SRGAP2: variants seen among roughly 807,000 people sequenced by gnomAD.
SRGAP2 encodes the protein SLIT-ROBO Rho GTPase-activating protein 2.
SRGAP2 carries 15 observed loss-of-function variants against 57.2 expected under a neutral mutation model. That is an observed-to-expected ratio of 0.26 (90% CI 0.18 to 0.40). The LOEUF (loss-of-function observed/expected upper bound fraction) is 0.40, where lower values mean the gene tolerates loss of function less well. SRGAP2 is among the 10% of genes least tolerant of loss of function. The pLI is 1.00. For synonymous variants in SRGAP2, 249 were observed against 248.0 expected (o/e 1.00, Z -0.04); for missense variants, 520 against 669.6 (o/e 0.78, Z 2.47).
chr1:206,421,254 A>C lies in SRGAP2; in HGVS notation c.1474A>C (p.Ser492Arg), dbSNP rs782683623. 1.3e-6 allele frequency: 1 copy of C among 778,782 alleles called. No homozygotes were observed. Among genetic ancestry groups the C allele is most frequent in the Non-Finnish European group, 2.4e-6 (1 of 417,090 alleles). 48.2% of individuals were successfully genotyped at this position (778,782 alleles called of 1,614,324 possible). ...QRTDCSLARR[S>R]STVRKQDSSQ... ...ATTCGGCGGGATTGGTCACAGGCGC[A>C]GCTCAACTGTGAGGAAACAGGTAAG... The change falls in exon 13 of 23, where the codon AGC becomes CGC. Residue 492 changes from serine to arginine, a missense_variant. Ser to Arg is a moderately radical substitution (Grantham distance 110). This residue lies in a region of SRGAP2 where 478 missense variants were observed against 373.6 expected (regional missense o/e 1.28). Coordinates refer to ENST00000573034, the MANE Select transcript of SRGAP2 (RefSeq NM_015326.5).
rs548237539 is a variant in SRGAP2, at chr1:206,365,735, C to T, written c.424-18279C>T. Among the ~76,000 whole-genome samples, 630 of 140,084 alleles carry T rather than the reference C, an allele frequency of 4.5e-3. 8 individuals carry two copies. Among genetic ancestry groups the T allele is most frequent in the African/African-American group, 0.017 (603 of 34,748 alleles). 91.9% of individuals were successfully genotyped at this position (140,084 alleles called of 152,430 possible). ...AACATTAGACCAGGAATCAGGTAAC[C>T]TGGTTGGGGACCCAGGGCTCTAGAT... On this transcript the variant is annotated intron_variant, in intron 4 of 22. Transcript: ENST00000573034.
At chr1:206,277,723 A>G (rs1302668436) in intron 2 of SRGAP2, among the ~76,000 whole-genome samples, 1 of 152,220 alleles carries the variant, frequency 6.6e-6, no homozygotes, top group African/African-American at 2.4e-5. Context: ...TAATCCCAGC[A>G]CTTTGGGATG....
rs781929068 is a variant in SRGAP2, at chr1:206,458,675, A to G, written c.2560A>G (p.Ser854Gly). 1 of 773,316 alleles carries G rather than the reference A, an allele frequency of 1.3e-6. No homozygotes were observed. Among genetic ancestry groups the G allele is most frequent in the East Asian group, 2.4e-5 (1 of 41,056 alleles). The allele number at this position is 773,316 out of a possible 1,614,324, so 47.9% of individuals were successfully genotyped here. A position where few individuals can be genotyped will look rare whatever the true frequency, so the allele number is the denominator to read the frequency against. Residue 854 changes from serine to glycine, a missense_variant, in exon 22 of 23, where the codon AGC becomes GGC. By Grantham distance (56) the Ser-to-Gly change is moderately conservative. Transcript: ENST00000573034. ...CATCCGGAAAACTTTTCGGAGTGAC[A>G]GCCATGGGCTGAGCAGTTCCCTGAC... ...GSIRKTFRSD[S>G]HGLSSSLTDS...
At chr1:206,458,549 C>T in intron 21 of SRGAP2, 74 bp from the exon 22 acceptor site, 3 of 677,094 alleles carry the variant, frequency 4.4e-6, no homozygotes, top group Non-Finnish European at 8.2e-6. Flanking sequence ...CAACATCTGC[C>T]CCCTCCCACT....
chr1:206,407,467 ATTC>A (rs1658778137), intron 10 of SRGAP2: 2 of 81,274 alleles, frequency 2.5e-5, no homozygotes, highest in Non-Finnish European at 4.6e-5. Flanking sequence ...GATTTGTTTA[ATTC>A]TTCTTTGAAC....
At chr1:206,394,505 T>G (rs1657374858) in intron 7 of SRGAP2, among the ~76,000 whole-genome samples, 1 of 152,202 alleles carries the variant, frequency 6.6e-6, no homozygotes, top group Non-Finnish European at 1.5e-5. Flanking sequence ...ATCACCATTA[T>G]GGGTAAGCAT....
At chr1:206,208,315 T>C (rs1553301702) in intron 2 of SRGAP2, 1 of 151,424 alleles carries the variant, frequency 6.6e-6, no homozygotes, top group African/African-American at 2.4e-5. Flanking sequence ...TACATTTTGG[T>C]TGCTCATTAT....
intron 21 of SRGAP2, among the ~76,000 whole-genome samples, chr1:206,456,430 C>T (rs1284748376): frequency 1.3e-5 from 2 of 152,148 alleles, no homozygotes; most frequent in Non-Finnish European, 1.5e-5. Flanking sequence ...ATTTACAATT[C>T]TGTGTTAAAT....
At chr1:206,249,642 A>G in intron 2 of SRGAP2, among the ~76,000 whole-genome samples, 1 of 150,878 alleles carries the variant, frequency 6.6e-6, no homozygotes, top group Middle Eastern at 3.4e-3. Flanking sequence ...TACCTAATGT[A>G]GATTATGGGT....
chr1:206,385,598 A>C (rs1553348226), intron 5 of SRGAP2, among the ~76,000 whole-genome samples: 1 of 150,800 alleles, frequency 6.6e-6, no homozygotes, highest in African/African-American at 2.5e-5. Context: ...GAAGAAGACT[A>C]CTGTCTAAGG....
chr1:206,305,206 C>T (rs1332321798), intron 3 of SRGAP2, among the ~76,000 whole-genome samples: 2 of 120,354 alleles, frequency 1.7e-5, no homozygotes, highest in Non-Finnish European at 3.3e-5. Context: ...TGCACATTGA[C>T]ATTTGGGAAA....
intron 13 of SRGAP2, among the ~76,000 whole-genome samples, chr1:206,425,288 T>C (rs547296487): frequency 6.6e-6 from 1 of 152,348 alleles, no homozygotes; most frequent in African/African-American, 2.4e-5. Context: ...GTACATGTAA[T>C]ATTTTGATAC....
intron 14 of SRGAP2, among the ~76,000 whole-genome samples, chr1:206,431,647 A>C (rs573651922): frequency 6.6e-6 from 1 of 152,378 alleles, no homozygotes; most frequent in African/African-American, 2.4e-5. Context: ...CTGCCTTCAT[A>C]AACCTTACAT....
intron 2 of SRGAP2, among the ~76,000 whole-genome samples, chr1:206,256,376 C>G (rs1669185566): frequency 6.6e-6 from 1 of 152,008 alleles, no homozygotes; most frequent in Admixed American, 6.5e-5. Context: ...GGTGAAATCT[C>G]TTTGGCCTTA....
At chr1:206,347,161 A>G (rs1553337044) in intron 4 of SRGAP2, among the ~76,000 whole-genome samples, 1 of 149,520 alleles carries the variant, frequency 6.7e-6, no homozygotes, top group Non-Finnish European at 1.5e-5. Flanking sequence ...TGAGACGGGA[A>G]GGATCACTTG....
intron 17 of SRGAP2, among the ~76,000 whole-genome samples, chr1:206,442,211 G>A (rs1441275065): frequency 6.6e-6 from 1 of 152,182 alleles, no homozygotes; most frequent in African/African-American, 2.4e-5. Flanking sequence ...GAGGGTCCTT[G>A]TTCCCCATCT....
chr1:206,430,034 C>G (rs782320892), intron 13 of SRGAP2, 128 bp from the exon 14 acceptor site: 73 of 694,832 alleles, frequency 1.1e-4, no homozygotes, highest in Non-Finnish European at 2.9e-5. Flanking sequence ...GGAGGACAGG[C>G]CAGGTGCTTC....
chr1:206,456,472 ATAAT>A (rs1470317210), intron 21 of SRGAP2, among the ~76,000 whole-genome samples: 4 of 152,238 alleles, frequency 2.6e-5, no homozygotes, highest in African/African-American at 9.6e-5. Flanking sequence ...TCGTGATCCT[ATAAT>A]TAACTCAGAA....
chr1:206,432,758 C>A (rs1553368753), intron 14 of SRGAP2, among the ~76,000 whole-genome samples: 1 of 152,196 alleles, frequency 6.6e-6, no homozygotes, highest in Admixed American at 6.5e-5. Context: ...AAAATGTACT[C>A]AATATACCTA....
Sources: allele counts gnomAD v4.1 joint callset (sites outside exome capture counted in the v4.1 genomes callset), GRCh38; gene constraint gnomAD v4.1.1; regional missense constraint gnomAD v4.1.1; transcripts MANE v1.5; gene names NCBI Gene and HGNC (gene_info 2026-07-23, HGNC 2026-07-21).